The following TSPAN18 variants were observed in gnomAD, a reference collection of about 807,000 sequenced individuals.
TSPAN18 encodes the protein tetraspanin-18.
In TSPAN18, 14 loss-of-function variants were observed where a neutral mutation model predicts 27.3. That is an observed-to-expected ratio of 0.51 (90% confidence interval 0.34 to 0.80). The LOEUF is 0.80. Ranked by LOEUF, TSPAN18 falls within the 30% of genes least tolerant of loss-of-function variation. The pLI is 0.01. For missense variants in TSPAN18, 268 were observed against 323.9 expected (o/e 0.83, Z 1.32); for synonymous variants, 143 against 136.5 (o/e 1.05, Z -0.33).
intron 2 of TSPAN18, among the ~76,000 whole-genome samples, chr11:44,801,788 T>C (rs56788117): frequency 0.16 from 24,554 of 152,174 alleles, 2,139 homozygotes; most frequent in Non-Finnish European, 0.18. Flanking sequence ...TCGCAGCACT[T>C]TGGGACTCCG....
chr11:44,736,134 A>C (rs1198147519), intron 1 of TSPAN18: 1 of 152,170 alleles, frequency 6.6e-6, no homozygotes, highest in African/African-American at 2.4e-5. Flanking sequence ...CTCTCTATAC[A>C]TTTCATTCCT....
chr11:44,911,975 C>A (rs1333899452), intron 5 of TSPAN18, among the ~76,000 whole-genome samples: 2 of 133,758 alleles, frequency 1.5e-5, no homozygotes, highest in East Asian at 4.9e-4. Flanking sequence ...TTCTTTCTGC[C>A]TATCTCTGTG....
At chr11:44,889,059 G>A (rs1428818858) in intron 3 of TSPAN18, among the ~76,000 whole-genome samples, 2 of 152,232 alleles carry the variant, frequency 1.3e-5, no homozygotes, top group Non-Finnish European at 1.5e-5. Context: ...GTGAAGAGGT[G>A]CCTTCCGCCA....
chr11:44,873,791 G>A (rs1275079480), intron 3 of TSPAN18, among the ~76,000 whole-genome samples: 2 of 152,192 alleles, frequency 1.3e-5, no homozygotes, highest in African/African-American at 4.8e-5. Flanking sequence ...CAGAGGCACT[G>A]GTCCTCAGAG....
chr11:44,792,987 A>G (rs1856264248), intron 2 of TSPAN18, among the ~76,000 whole-genome samples: 1 of 152,076 alleles, frequency 6.6e-6, no homozygotes, highest in Non-Finnish European at 1.5e-5. Context: ...ACAGACCCTG[A>G]GATGTGATAT....
At chr11:44,922,076 G>T (rs1860159555) in intron 8 of TSPAN18, among the ~76,000 whole-genome samples, 1 of 150,274 alleles carries the variant, frequency 6.7e-6, no homozygotes. Context: ...GTCTCTATTT[G>T]TCTTTTCCTC....
intron 2 of TSPAN18, among the ~76,000 whole-genome samples, chr11:44,841,104 G>C (rs1857363739): frequency 6.6e-6 from 1 of 152,184 alleles, no homozygotes; most frequent in Non-Finnish European, 1.5e-5. Flanking sequence ...GATTTATTGA[G>C]TGTCTACTGC....
chr11:44,929,217 C>CA lies in TSPAN18; in HGVS notation c.*40dup. The CA allele has an allele frequency of 6.2e-7, 1 of 1,612,684 alleles. No homozygotes were observed. The highest frequency in any genetic ancestry group is 2.2e-5 in the East Asian group (1 of 44,876). On this transcript the variant is annotated 3_prime_UTR_variant, in exon 10 of 10. Coordinates refer to ENST00000520358, the MANE Select transcript of TSPAN18 (RefSeq NM_130783.5). ...AAGCCTGAAGACTCGCCCCACCCAC[C>CA]ACTGCCCAGCACCCAGTGTCCTCCC...
At chr11:44,741,689 G>A (rs1281316666) in intron 1 of TSPAN18, among the ~76,000 whole-genome samples, 1 of 152,172 alleles carries the variant, frequency 6.6e-6, no homozygotes, top group Non-Finnish European at 1.5e-5. Flanking sequence ...GTGAATTCTA[G>A]TTTTGGAGTC....
intron 2 of TSPAN18, among the ~76,000 whole-genome samples, chr11:44,857,019 A>T (rs1019998037): frequency 4.6e-5 from 7 of 152,104 alleles, no homozygotes; most frequent in African/African-American, 1.7e-4. Flanking sequence ...TCCAGCTGTG[A>T]TGTTCATCGT....
chr11:44,783,377 A>G (rs1348443038), intron 2 of TSPAN18, among the ~76,000 whole-genome samples: 2 of 151,702 alleles, frequency 1.3e-5, no homozygotes, highest in Non-Finnish European at 2.9e-5. Context: ...CAACAATATG[A>G]TATACCAAGA....
At chr11:44,807,157 C>T (rs916333760) in intron 2 of TSPAN18, among the ~76,000 whole-genome samples, 1 of 130,656 alleles carries the variant, frequency 7.7e-6, no homozygotes, top group African/African-American at 3.1e-5. Flanking sequence ...CAGGAATTGG[C>T]ACCCAGCCTG....
chr11:44,906,302 C>G, intron 3 of TSPAN18, 105 bp from the exon 4 acceptor site: 1 of 998,934 alleles, frequency 1.0e-6, no homozygotes, highest in Non-Finnish European at 1.6e-6. Flanking sequence ...TTCTTCCAGC[C>G]TTTGCAAGGG....
intron 3 of TSPAN18, among the ~76,000 whole-genome samples, chr11:44,882,696 C>T (rs1428403951): frequency 6.6e-6 from 1 of 151,370 alleles, no homozygotes; most frequent in African/African-American, 2.4e-5. Flanking sequence ...GACAGAGAGA[C>T]AAGACTCTGA....
intron 2 of TSPAN18, among the ~76,000 whole-genome samples, chr11:44,780,328 T>C (rs938856419): frequency 6.6e-6 from 1 of 152,248 alleles, no homozygotes; most frequent in African/African-American, 2.4e-5. Context: ...TCCATTTACC[T>C]GGATGCCAAG....
intron 2 of TSPAN18, among the ~76,000 whole-genome samples, chr11:44,803,339 T>TG (rs61548947): frequency 0.17 from 25,149 of 151,826 alleles, 2,230 homozygotes; most frequent in Non-Finnish European, 0.18. Flanking sequence ...AAGCATGGGT[T>TG]GGGGGGGCAT....
intron 3 of TSPAN18, among the ~76,000 whole-genome samples, chr11:44,878,301 G>A (rs529901299): frequency 1.3e-5 from 2 of 152,252 alleles, no homozygotes; most frequent in East Asian, 1.9e-4. Context: ...GCTGAGGGGC[G>A]CCGCCCCAGG....
intron 3 of TSPAN18, among the ~76,000 whole-genome samples, chr11:44,889,559 C>T (rs1187075942): frequency 2.0e-5 from 3 of 152,208 alleles, no homozygotes; most frequent in African/African-American, 7.2e-5. Context: ...GTTTGGGCTG[C>T]CTAGAAGAGG....
Position 44,919,106 on chromosome 11 carries a change from C to G in TSPAN18, c.334-108C>G, listed in dbSNP as rs896442500. On this transcript the variant is annotated intron_variant, in intron 6 of 9. Coordinates refer to ENST00000520358, the MANE Select transcript of TSPAN18 (RefSeq NM_130783.5). ...GGACCTGGCACCAGGATGCAGAGCC[C>G]CTAGCTCTCATTCCCCCAACTCCCA... is the stretch of plus-strand genomic sequence containing the variant. The G allele has an allele frequency of 1.1e-5, 10 of 881,018 alleles. No individual in the cohort carries two copies. In the African/African-American group the frequency reaches 1.3e-4, roughly 12 times the overall value. 54.6% of individuals were successfully genotyped at this position (881,018 alleles called of 1,614,324 possible).
Sources: gnomAD v4.1 joint callset for allele counts (sites outside exome capture counted in the v4.1 genomes callset) on GRCh38, gnomAD v4.1.1 for gene constraint, MANE v1.5 for transcripts, NCBI Gene and HGNC (gene_info 2026-07-23, HGNC 2026-07-21) for gene names.